Variants in KANK1 observed in about 807,000 individuals in gnomAD.
KANK1 encodes KN motif and ankyrin repeat domain-containing protein 1.
A neutral mutation model predicts 106.2 loss-of-function variants in KANK1; 109 were observed. The observed-to-expected ratio is 1.03, with a 90% CI of 0.88 to 1.20. KANK1 has a LOEUF of 1.20. Ranked by LOEUF, KANK1 falls within the 50% of genes most tolerant of loss-of-function variation. The pLI is 0.00. For missense variants in KANK1, 2,399 were observed against 1,710.7 expected, an observed-to-expected ratio of 1.40 and a Z score of -7.10; for synonymous variants, 873 against 652.2, an observed-to-expected ratio of 1.34 and a Z score of -5.16.
intron 2 of KANK1, among the ~76,000 whole-genome samples, chr9:709,164 A>G (rs12686466): frequency 0.31 from 46,774 of 152,166 alleles, 8,695 homozygotes; most frequent in South Asian, 0.46. Flanking sequence ...ACACGGAGAA[A>G]ACTCTTCCTA....
chr9:647,241 C>T (rs1391720353), intron 1 of KANK1, among the ~76,000 whole-genome samples: 2 of 145,976 alleles, frequency 1.4e-5, no homozygotes, highest in Non-Finnish European at 2.9e-5. Flanking sequence ...TATTTATTTA[C>T]TTATTTGATT....
In KANK1 at chr9:540,893, C is replaced by G. The variant is rs1041252716; in HGVS notation, c.-84+36139C>G. On this transcript the variant is annotated intron_variant, in intron 1 of 11. Transcript: ENST00000382297. ...TCTCATCTTTCATGTATAATTTTGT[C>G]TTTTAGTTCAGCTAAAGGTTTGTCA... Among the ~76,000 whole-genome samples, 8 of 152,104 alleles carry G rather than the reference C, an allele frequency of 5.3e-5. No individual in the cohort carries two copies. The East Asian group carries it at 1.5e-3, about 29-fold the overall frequency.
intron 1 of KANK1, among the ~76,000 whole-genome samples, chr9:534,543 A>T (rs535692803): frequency 6.6e-6 from 1 of 152,316 alleles, no homozygotes; most frequent in East Asian, 1.9e-4. Flanking sequence ...CCAGCAGAGA[A>T]TTATTTAATC....
At chr9:710,447 G>A (rs894202166) in intron 2 of KANK1, among the ~76,000 whole-genome samples, 10 of 151,862 alleles carry the variant, frequency 6.6e-5, no homozygotes, top group Admixed American at 1.3e-4. Context: ...GTGAAACCCT[G>A]TCTCTACTAA....
At chr9:543,125 A>G (rs2133884636) in intron 1 of KANK1, among the ~76,000 whole-genome samples, 1 of 152,330 alleles carries the variant, frequency 6.6e-6, no homozygotes, top group East Asian at 1.9e-4. Context: ...TTGTAAATAT[A>G]TACAATTTTT....
rs146859227 is a variant in KANK1 at position 595,574 on chromosome 9, A to G, written c.-83-81316A>G. ...AGTGTCTCACTCTGTTGCCCAGGCT[A>G]GAGAGCAGTGGCGTGATCATTGCTT... is the stretch of plus-strand genomic sequence containing the variant. On this transcript the variant is annotated intron_variant, in intron 1 of 11. Coordinates refer to ENST00000382297, the MANE Select transcript of KANK1 (RefSeq NM_015158.5). Among the ~76,000 whole-genome samples, 27 of 151,858 alleles carry G rather than the reference A, an allele frequency of 1.8e-4. 1 individual carries two copies. The highest frequency in any genetic ancestry group is 4.9e-4 in the African/African-American group (20 of 41,184).
At position 712,330 on chromosome 9, in the gene KANK1, A is replaced by G. The variant is rs1403623352; in HGVS notation, c.1564A>G (p.Thr522Ala). Residue 522 changes from threonine to alanine, a missense_variant, in exon 3 of 12, where the codon ACC becomes GCC. Thr to Ala is a moderately conservative substitution (Grantham distance 58, BLOSUM62 0). Coordinates refer to ENST00000382297, the MANE Select transcript of KANK1 (RefSeq NM_015158.5). Reference protein sequence around the residue: ...FSKVVEAVVQTRDQMVGSHMD... With the variant: ...FSKVVEAVVQARDQMVGSHMD... ...TAAGGTGGTGGAGGCAGTGGTGCAG[A>G]CCAGAGACCAAATGGTCGGCAGTCA... The G allele has an allele frequency of 1.5e-5, 24 of 1,614,090 alleles. No homozygotes were observed. Among genetic ancestry groups the G allele is most frequent in the Non-Finnish European group, 1.9e-5 (23 of 1,180,054 alleles).
At chr9:573,280 ATTT>A (rs971599410) in intron 1 of KANK1, among the ~76,000 whole-genome samples, 2 of 151,636 alleles carry the variant, frequency 1.3e-5, no homozygotes, top group Non-Finnish European at 2.9e-5. Flanking sequence ...TATTATTATT[ATTT>A]TTTTGAGACA....
chr9:512,755 A>G (rs571696640), intron 1 of KANK1, among the ~76,000 whole-genome samples: 2 of 152,278 alleles, frequency 1.3e-5, no homozygotes, highest in Admixed American at 6.5e-5. Context: ...TATAAAATAT[A>G]CTGCCAGTCT....
intron 1 of KANK1, among the ~76,000 whole-genome samples, chr9:653,245 C>T (rs1436254940): frequency 6.6e-6 from 1 of 152,022 alleles, no homozygotes; most frequent in African/African-American, 2.4e-5. Flanking sequence ...AAGTAACGTT[C>T]CCAGAGTCCC....
chr9:561,729 TA>T (rs1204110309), intron 1 of KANK1, among the ~76,000 whole-genome samples: 2 of 152,194 alleles, frequency 1.3e-5, no homozygotes. Context: ...TAAGGCTCCT[TA>T]AAAAATGCAT....
chr9:534,079 A>G (rs992405590), intron 1 of KANK1, among the ~76,000 whole-genome samples: 2 of 152,198 alleles, frequency 1.3e-5, no homozygotes, highest in African/African-American at 4.8e-5. Context: ...GGGCAGAACC[A>G]GTTGTTTTCA....
At chr9:580,075 T>C (rs559604561) in intron 1 of KANK1, among the ~76,000 whole-genome samples, 76 of 152,282 alleles carry the variant, frequency 5.0e-4, no homozygotes, top group African/African-American at 1.8e-3. Context: ...AGTTTGTTCC[T>C]TCTGATGTTC....
At chr9:739,363 T>TGAAATTCTGTCTTCATCCA (rs1491481197) in intron 8 of KANK1, among the ~76,000 whole-genome samples, 1 of 152,250 alleles carries the variant, frequency 6.6e-6, no homozygotes, top group Non-Finnish European at 1.5e-5. Flanking sequence ...TCCAATTTTC[T>TGAAATTCTGTCTTCATCCA]GAAATTCTGT....
At chr9:705,740 AG>A (rs1331112358) in intron 2 of KANK1, among the ~76,000 whole-genome samples, 2 of 151,466 alleles carry the variant, frequency 1.3e-5, no homozygotes, top group Admixed American at 1.3e-4. Context: ...CTGGGATTAC[AG>A]GTGCCCGCCA....
chr9:606,475 G>C (rs1829198660), intron 1 of KANK1, among the ~76,000 whole-genome samples: 1 of 147,844 alleles, frequency 6.8e-6, no homozygotes, highest in African/African-American at 2.7e-5. Context: ...AGAATCACTT[G>C]AACCCAGGAG....
intron 1 of KANK1, among the ~76,000 whole-genome samples, chr9:636,948 C>G (rs915992644): frequency 1.3e-5 from 2 of 152,168 alleles, no homozygotes; most frequent in Admixed American, 1.3e-4. Flanking sequence ...TTAAACCAAG[C>G]CACTTTAGAC....
chr9:688,093 A>G (rs957533766), intron 2 of KANK1, among the ~76,000 whole-genome samples: 4 of 152,194 alleles, frequency 2.6e-5, no homozygotes, highest in African/African-American at 9.7e-5. Context: ...CCAGTTGCCA[A>G]TCTGATGTGC....
chr9:715,021 G>C (rs575400232), intron 3 of KANK1, among the ~76,000 whole-genome samples: 2 of 152,188 alleles, frequency 1.3e-5, no homozygotes, highest in South Asian at 4.1e-4. Context: ...ATTAGTGTCT[G>C]ATGGGGCAAT....
Sources: allele counts gnomAD v4.1 joint callset (sites outside exome capture counted in the v4.1 genomes callset), GRCh38; gene constraint gnomAD v4.1.1; transcripts MANE v1.5; gene names NCBI Gene and HGNC (gene_info 2026-07-23, HGNC 2026-07-21).